The following SSBP2 variants were observed in gnomAD, a reference collection of about 807,000 sequenced individuals.
The protein encoded by SSBP2 is single stranded DNA binding protein 2, also known as single-stranded DNA-binding protein 2.
Under a neutral mutation model 61.8 loss-of-function variants are expected in SSBP2, and 17 were observed. The observed-to-expected ratio is 0.28, with a 90% confidence interval of 0.19 to 0.41. The LOEUF (loss-of-function observed/expected upper bound fraction) is 0.41. Ranked by LOEUF, SSBP2 falls within the 10% of genes least tolerant of loss-of-function variation. SSBP2 has a pLI of 1.00. For missense variants in SSBP2, 310 were observed against 458.7 expected (o/e 0.68, Z 2.96); for synonymous variants, 139 against 141.3 (o/e 0.98, Z 0.12).
chr5:81,559,192 C>G (rs1005570734), intron 4 of SSBP2, among the ~76,000 whole-genome samples: 13 of 151,996 alleles, frequency 8.6e-5, no homozygotes, highest in African/African-American at 3.1e-4. Context: ...TCGAGACCAG[C>G]CTGACCAACA....
chr5:81,646,688 A>ATTT lies in SSBP2; in HGVS notation c.135+3576_135+3578dup, dbSNP rs68107334. 3.0e-3 allele frequency among the ~76,000 whole-genome samples: 260 copies of ATTT among 85,938 alleles called. 3 individuals carry two copies. Among genetic ancestry groups the ATTT allele is most frequent in the Non-Finnish European group, 4.6e-3 (210 of 45,222 alleles). The allele number at this position is 85,938 out of a possible 152,430, so 56.4% of individuals were successfully genotyped here. On this transcript the variant is annotated intron_variant, in intron 2 of 16. Coordinates refer to ENST00000320672, the MANE Select transcript of SSBP2 (RefSeq NM_012446.5). ...ACCAGAGTACAAACCTGATGATGTC[A>ATTT]TTTTTTTTTTTTTTTTTTTTTTTTT...
chr5:81,730,450 C>CCTGA (rs1182091450), intron 1 of SSBP2, among the ~76,000 whole-genome samples: 1 of 152,174 alleles, frequency 6.6e-6, no homozygotes, highest in Admixed American at 6.5e-5. Context: ...GTCTCGAGCT[C>CCTGA]CTGACCTCAG....
intron 1 of SSBP2, among the ~76,000 whole-genome samples, chr5:81,676,770 A>G (rs937087620): frequency 3.3e-5 from 5 of 152,334 alleles, no homozygotes; most frequent in African/African-American, 1.2e-4. Flanking sequence ...TGAGTATAGT[A>G]GCTAGTTATT....
intron 1 of SSBP2, among the ~76,000 whole-genome samples, chr5:81,730,629 GTATAA>G (rs1302043166): frequency 3.3e-5 from 5 of 152,192 alleles, no homozygotes; most frequent in East Asian, 1.9e-4. Flanking sequence ...TTTGTTCTTG[GTATAA>G]TATAAGTCAT....
At chr5:81,751,248 T>C (rs2154040688), upstream of SSBP2, 2 of 588,254 alleles carry the variant, frequency 3.4e-6, no homozygotes, top group Non-Finnish European at 6.1e-6. Context: ...CGGTGGCGGC[T>C]AAGCCTCAGC....
chr5:81,552,929 A>G (rs1772317756), intron 4 of SSBP2, among the ~76,000 whole-genome samples: 1 of 152,164 alleles, frequency 6.6e-6, no homozygotes, highest in South Asian at 2.1e-4. Context: ...CTTTACCTGA[A>G]AAAGCAACAT....
chr5:81,423,599 GC>G (rs1761750314), intron 16 of SSBP2, among the ~76,000 whole-genome samples: 1 of 152,082 alleles, frequency 6.6e-6, no homozygotes, highest in South Asian at 2.1e-4. Flanking sequence ...CAAAAAGTTA[GC>G]CAGGCGAGGT....
chr5:81,684,876 T>C (rs907415124), intron 1 of SSBP2, among the ~76,000 whole-genome samples: 1 of 151,990 alleles, frequency 6.6e-6, no homozygotes, highest in African/African-American at 2.4e-5. Context: ...TATTTAGCAA[T>C]GTGAGAAGGA....
chr5:81,716,075 AC>A (rs1431418574), intron 1 of SSBP2, among the ~76,000 whole-genome samples: 52 of 151,468 alleles, frequency 3.4e-4, no homozygotes, highest in Admixed American at 7.2e-4. Context: ...AACAACAACA[AC>A]AACAAAAAAA....
At chr5:81,749,538 A>G (rs1479128936) in intron 1 of SSBP2, among the ~76,000 whole-genome samples, 1 of 152,176 alleles carries the variant, frequency 6.6e-6, no homozygotes, top group Non-Finnish European at 1.5e-5. Context: ...AGTACCTTTG[A>G]GAGATGCTCT....
At chr5:81,612,058 T>C (rs942638579) in intron 4 of SSBP2, among the ~76,000 whole-genome samples, 8 of 152,134 alleles carry the variant, frequency 5.3e-5, no homozygotes, top group African/African-American at 1.9e-4. Context: ...AGGTGACAGA[T>C]AAGTTTATGG....
chr5:81,649,373 CCTAGGTGCCTAT>C (rs1397525267), intron 2 of SSBP2, among the ~76,000 whole-genome samples: 1 of 151,990 alleles, frequency 6.6e-6, no homozygotes, highest in Non-Finnish European at 1.5e-5. Context: ...TTCCAGCCAA[CCTAGGTGCCTAT>C]CAGTGGTGGA....
Position 81,608,937 on chromosome 5 carries a change from A to G in SSBP2, c.282+6536T>C, listed in dbSNP as rs188208697. Among the ~76,000 whole-genome samples, 9 of 152,332 alleles carry G rather than the reference A, an allele frequency of 5.9e-5. No individual in the cohort carries two copies. In the South Asian group the frequency reaches 6.2e-4, roughly 11 times the overall value. On this transcript the variant is annotated intron_variant, in intron 4 of 16. Coordinates refer to ENST00000320672, the MANE Select transcript of SSBP2 (RefSeq NM_012446.5). Reference sequence around the variant, plus strand: ...TAGTTGGAGGTAAAGAAGAATAAAGAGGATAAAAAGAAGAGTCATTTATGT... The same window carrying G: ...TAGTTGGAGGTAAAGAAGAATAAAGGGGATAAAAAGAAGAGTCATTTATGT...
intron 5 of SSBP2, among the ~76,000 whole-genome samples, chr5:81,511,470 C>T (rs988839622): frequency 6.6e-6 from 1 of 152,144 alleles, no homozygotes; most frequent in Admixed American, 6.5e-5. Flanking sequence ...TATAGCATAT[C>T]TTTTCAATTT....
chr5:81,427,779 C>T (rs1187213779), intron 16 of SSBP2, among the ~76,000 whole-genome samples: 3 of 152,172 alleles, frequency 2.0e-5, no homozygotes, highest in Non-Finnish European at 4.4e-5. Context: ...AGAATGTACA[C>T]CAGCATCAGC....
intron 1 of SSBP2, among the ~76,000 whole-genome samples, chr5:81,664,283 C>T (rs933482682): frequency 3.3e-5 from 5 of 151,562 alleles, no homozygotes; most frequent in African/African-American, 1.2e-4. Context: ...CCACCATGCC[C>T]GGCTAATTTT....
intron 4 of SSBP2, among the ~76,000 whole-genome samples, chr5:81,559,384 CAAA>C (rs36034616): frequency 2.1e-5 from 2 of 95,976 alleles, no homozygotes; most frequent in Non-Finnish European, 2.1e-5. Flanking sequence ...GAGATTTCAT[CAAA>C]AAAAAAAAAA....
At chr5:81,552,739 T>C (rs1423803833) in intron 4 of SSBP2, among the ~76,000 whole-genome samples, 1 of 151,968 alleles carries the variant, frequency 6.6e-6, no homozygotes, top group Non-Finnish European at 1.5e-5. Flanking sequence ...GAGGAATTGG[T>C]AGAACAAAAA....
At chr5:81,721,486 T>C (rs1755541430) in intron 1 of SSBP2, among the ~76,000 whole-genome samples, 1 of 152,100 alleles carries the variant, frequency 6.6e-6, no homozygotes, top group African/African-American at 2.4e-5. Flanking sequence ...TAAGGTTACG[T>C]TCCAACCAAG....
Sources: gnomAD v4.1 joint callset for allele counts (sites outside exome capture counted in the v4.1 genomes callset) on GRCh38, gnomAD v4.1.1 for gene constraint, MANE v1.5 for transcripts, NCBI Gene and HGNC (gene_info 2026-07-23, HGNC 2026-07-21) for gene names.